The following HSP90AA1 variants were observed in gnomAD, a reference collection of about 807,000 sequenced individuals.
HSP90AA1 encodes the protein heat shock protein HSP 90-alpha.
A neutral mutation model predicts 73.3 loss-of-function variants in HSP90AA1; 18 were observed. The ratio of observed to expected loss-of-function variants is 0.25; its 90% CI spans 0.17 to 0.36. HSP90AA1 has a LOEUF of 0.36. HSP90AA1 is among the 10% of genes least tolerant of loss of function. HSP90AA1 has a pLI of 1.00. For missense variants in HSP90AA1, 704 were observed against 874.2 expected, an observed-to-expected ratio of 0.81 and a Z score of 2.45; for synonymous variants, 477 against 296.9, an observed-to-expected ratio of 1.61 and a Z score of -6.24.
upstream of HSP90AA1, among the ~76,000 whole-genome samples, chr14:102,090,292 C>G (rs2049336893): frequency 6.6e-6 from 1 of 152,168 alleles, no homozygotes; most frequent in Non-Finnish European, 1.5e-5. Context: ...GGCCAGGTGT[C>G]CTGTCATGGA....
intron 1 of HSP90AA1, among the ~76,000 whole-genome samples, chr14:102,115,816 C>T (rs2049699037): frequency 6.6e-6 from 1 of 152,114 alleles, no homozygotes. Context: ...CCTATGTTGT[C>T]TAGGCTAGCC....
chr14:102,090,652 C>T (rs765394444), upstream of HSP90AA1, among the ~76,000 whole-genome samples: 8 of 152,102 alleles, frequency 5.3e-5, no homozygotes, highest in South Asian at 4.1e-4. Flanking sequence ...GGGGTTTCAC[C>T]GTGTTAGCCA....
At position 102,082,171 on chromosome 14, in the gene HSP90AA1, T is replaced by A; in HGVS notation, c.2029A>T (p.Ser677Cys). 1 of 1,613,992 alleles carries A rather than the reference T, an allele frequency of 6.2e-7. No individual in the cohort carries two copies. The highest frequency in any genetic ancestry group is 8.5e-7 in the Non-Finnish European group (1 of 1,179,838). ...GCATGTGTCTGGGGATCTTCCAGACTGAAGCCAGAAGACAGGAGCGCAGTT... is the reference window on the plus strand; with the variant it reads ...GCATGTGTCTGGGGATCTTCCAGACAGAAGCCAGAAGACAGGAGCGCAGTT... Reference protein sequence around the residue: ...YETALLSSGFSLEDPQTHANR... With the variant: ...YETALLSSGFCLEDPQTHANR... The change falls in exon 10 of 11, where the codon AGT (serine) becomes TGT (cysteine). Residue 677 changes from serine (S) to cysteine (C), a missense_variant. Transcript: ENST00000216281.
chr14:102,081,345 T>C lies in HSP90AA1; in HGVS notation c.*367A>G, dbSNP rs2049093590. 2 of 345,692 alleles carry C rather than the reference T, an allele frequency of 5.8e-6. No individual in the cohort carries two copies. The highest frequency in any genetic ancestry group is 1.1e-5 in the Non-Finnish European group (2 of 186,846). 21.4% of individuals were successfully genotyped at this position (345,692 alleles called of 1,614,324 possible). On this transcript the variant is annotated 3_prime_UTR_variant, in exon 11 of 11. Coordinates refer to ENST00000216281, the MANE Select transcript of HSP90AA1 (RefSeq NM_005348.4). Reference sequence around the variant, plus strand: ...ATCCTACAAGATGTAACGAATACTTTTCTAAACATCAAGATACAGCTCAGA... The same window carrying C: ...ATCCTACAAGATGTAACGAATACTTCTCTAAACATCAAGATACAGCTCAGA...
intron 10 of HSP90AA1, 35 bp downstream of exon 10, chr14:102,082,076 A>G: frequency 7.1e-7 from 1 of 1,404,146 alleles, no homozygotes; most frequent in African/African-American, 1.4e-5. Context: ...ACGTGTGTTT[A>G]TTTTCTTTTT....
upstream of HSP90AA1, among the ~76,000 whole-genome samples, chr14:102,087,932 TTTTTTTTTTTTTTTTTTTC>T (rs889298936): frequency 1.9e-5 from 2 of 104,352 alleles, no homozygotes; most frequent in South Asian, 3.3e-4. Flanking sequence ...CCCTAAAAGG[TTTTTTTTTTTTTTTTTTTC>T]TTTTTTTTTT....
At chr14:102,095,868 A>G (rs2152617789) in intron 2 of HSP90AA1, among the ~76,000 whole-genome samples, 1 of 152,116 alleles carries the variant, frequency 6.6e-6, no homozygotes, top group Middle Eastern at 3.4e-3. Flanking sequence ...GGGTTTATCT[A>G]TTCTACATTC....
intron 9 of HSP90AA1, chr14:102,082,767 G>A (rs375464108): frequency 4.4e-5 from 22 of 503,418 alleles, no homozygotes; most frequent in African/African-American, 5.8e-5. Flanking sequence ...ATTACAGGCC[G>A]TGCCACCACG....
At position 102,084,403 on chromosome 14, in the gene HSP90AA1, A is replaced by G. The variant is rs2049173307; in HGVS notation, c.1143T>C (p.Tyr381=). The change falls in exon 6 of 11, where the codon TAT becomes TAC. Residue 381 remains tyrosine, a synonymous_variant. Transcript: ENST00000216281. ...MDNCEELIPE[Y]LNFIRGVVDS... ...ATTTTTCCTATCTATACTTACTCAG[A>G]TATTCAGGGATTAGCTCCTCACAGT... 2 of 1,611,756 alleles carry G rather than the reference A, an allele frequency of 1.2e-6. No individual in the cohort carries two copies. The highest frequency in any genetic ancestry group is 2.2e-5 in the East Asian group (1 of 44,884).
chr14:102,095,347 G>C (rs893641476), intron 2 of HSP90AA1, among the ~76,000 whole-genome samples: 1 of 152,102 alleles, frequency 6.6e-6, no homozygotes, highest in African/African-American at 2.4e-5. Context: ...ACCTGTGGGA[G>C]AGGGGTGGCG....
Position 102,083,092 on chromosome 14 carries a change from G to GT in HSP90AA1, c.1696dup (p.Thr566AsnfsTer4). On this transcript the variant is annotated frameshift_variant, in exon 9 of 11. Transcript: ENST00000216281. LOFTEE classifies it high-confidence loss of function. ...GATTTTGCAGAGGTTCTCAAACTTT[G>GT]TTTTTTTCTCTTCCTGCTTCTTTTT... is the stretch of plus-strand genomic sequence containing the variant. The GT allele has an allele frequency of 6.2e-7, 1 of 1,613,692 alleles. No homozygotes were observed.
intron 1 of HSP90AA1, among the ~76,000 whole-genome samples, chr14:102,112,448 A>T (rs957776877): frequency 1.3e-5 from 2 of 152,016 alleles, no homozygotes; most frequent in Admixed American, 1.3e-4. Context: ...TGCTGGGGTT[A>T]CGGGCGTGAG....
chr14:102,088,411 C>T (rs2049300641), upstream of HSP90AA1, among the ~76,000 whole-genome samples: 1 of 152,214 alleles, frequency 6.6e-6, no homozygotes, highest in Non-Finnish European at 1.5e-5. Context: ...GAACTACCTC[C>T]GCTTCCTGGT....
chr14:102,082,557 T>C, intron 9 of HSP90AA1, 113 bp from the exon 10 acceptor site: 1 of 779,332 alleles, frequency 1.3e-6, no homozygotes, highest in Non-Finnish European at 2.2e-6. Flanking sequence ...CTATCTACTG[T>C]CAAATACAAC....
chr14:102,086,800 T>G (rs1423580953), intron 1 of HSP90AA1, among the ~76,000 whole-genome samples, 186 bp downstream of exon 1: 1 of 151,408 alleles, frequency 6.6e-6, no homozygotes, highest in Non-Finnish European at 1.5e-5. Context: ...CCCGGCCCAT[T>G]CCTGAAGCGG....
intron 6 of HSP90AA1, 43 bp from the exon 7 acceptor site, chr14:102,084,026 C>A (rs1311875565): frequency 3.4e-5 from 49 of 1,424,220 alleles, no homozygotes; most frequent in Non-Finnish European, 4.6e-5. Context: ...ATTCCAAGGA[C>A]AAAACTGGTA....
chr14:102,085,463 A>AAGG (rs59997574), intron 3 of HSP90AA1, 32 bp from the exon 4 acceptor site: 1 of 1,594,888 alleles, frequency 6.3e-7, no homozygotes, highest in Admixed American at 1.7e-5. Flanking sequence ...TTGACTTAAT[A>AAGG]CATTCAATTT....
intron 2 of HSP90AA1, among the ~76,000 whole-genome samples, chr14:102,092,849 CA>C (rs2049376155): frequency 6.6e-6 from 1 of 152,034 alleles, no homozygotes; most frequent in South Asian, 2.1e-4. Flanking sequence ...CTCCTCAGTT[CA>C]AGTAACTCTC....
chr14:102,087,119 C>CGAACCTTCCGGAA (rs2049263723), upstream of HSP90AA1: 1 of 984,368 alleles, frequency 1.0e-6, no homozygotes, highest in Admixed American at 6.2e-5. Flanking sequence ...AGAAGCCTCC[C>CGAACCTTCCGGAA]GAACCTTCCG....
Sources: gnomAD v4.1 joint callset for allele counts (sites outside exome capture counted in the v4.1 genomes callset) on GRCh38, gnomAD v4.1.1 for gene constraint, MANE v1.5 for transcripts, NCBI Gene and HGNC (gene_info 2026-07-23, HGNC 2026-07-21) for gene names.